PUDP: variants seen among roughly 807,000 people sequenced by gnomAD.
PUDP encodes pseudouridine 5'-phosphatase.
A neutral mutation model predicts 9.4 loss-of-function variants in PUDP; 8 were observed. The observed-to-expected ratio is 0.85, with a 90% CI of 0.50 to 1.53. The LOEUF (loss-of-function observed/expected upper bound fraction) is 1.53. Ranked by LOEUF, PUDP falls within the 40% of genes most tolerant of loss-of-function variation. The probability of loss-of-function intolerance (pLI) is 0.00; values close to 1 mark genes in which losing one functional copy is unlikely to be tolerated. For missense variants in PUDP, 188 were observed against 189.7 expected (o/e 0.99, Z 0.05); for synonymous variants, 99 against 80.7 (o/e 1.23, Z -1.22).
At chrX:6,783,929 A>C (rs1041359416) in intron 3 of PUDP, among the ~76,000 whole-genome samples, 1 of 111,647 alleles carries the variant, frequency 9.0e-6, no homozygotes, top group Non-Finnish European at 1.9e-5. Flanking sequence ...TGGGTGTCTC[A>C]GCTCAAGAAG....
At chrX:7,105,329 C>T (rs1931847664) in intron 2 of PUDP, among the ~76,000 whole-genome samples, 1 of 111,194 alleles carries the variant, frequency 9.0e-6, no homozygotes, top group South Asian at 3.8e-4. Context: ...GACATTCTGT[C>T]ATTAACATAA....
intron 3 of PUDP, among the ~76,000 whole-genome samples, chrX:7,073,775 C>A (rs772537169): frequency 1.0e-3 from 117 of 113,147 alleles, no homozygotes; most frequent in African/African-American, 3.3e-3. Context: ...GGAAACATTT[C>A]ATTTCTGCAA....
chrX:6,799,232 G>C (rs1002749995), intron 3 of PUDP, among the ~76,000 whole-genome samples: 3 of 112,273 alleles, frequency 2.7e-5, no homozygotes, highest in Admixed American at 1.9e-4. Context: ...TATGGCATTT[G>C]ATTCTAATTT....
chrX:6,872,696 TAAAA>T (rs199625491), intron 3 of PUDP, among the ~76,000 whole-genome samples: 27 of 63,823 alleles, frequency 4.2e-4, no homozygotes, highest in East Asian at 8.7e-4. Flanking sequence ...AAGATTCCAT[TAAAA>T]AAAAAAAAAA....
rs775058013 is a variant in PUDP, at chrX:6,981,541, C to T, written c.205-3198G>A. 2.7e-3 allele frequency among the ~76,000 whole-genome samples: 304 copies of T among 111,508 alleles called. 1 individual carries two copies. The highest frequency in any genetic ancestry group is 4.1e-3 in the Non-Finnish European group (218 of 53,095). ...ATCAGAGAGTCTCGCTTGAAAAATG[C>T]CTTCTGTTCCAAGAACTGGAAATAA... On this transcript the variant is annotated intron_variant and NMD_transcript_variant, in intron 1 of 3. Transcript: ENST00000655425.
chrX:7,027,571 GAT>G (rs1479125013), intron 1 of PUDP, among the ~76,000 whole-genome samples: 1 of 100,619 alleles, frequency 9.9e-6, no homozygotes, highest in East Asian at 3.1e-4. Context: ...ATATATATGA[GAT>G]ATATAGAGAG....
intron 3 of PUDP, among the ~76,000 whole-genome samples, chrX:6,971,090 G>C (rs1416176807): frequency 1.8e-5 from 2 of 111,150 alleles, no homozygotes; most frequent in East Asian, 2.8e-4. Context: ...ACAGATGTCA[G>C]AATAGCTTCA....
upstream of PUDP, among the ~76,000 whole-genome samples, chrX:6,725,659 A>G (rs1453246762): frequency 8.9e-6 from 1 of 112,364 alleles, no homozygotes; most frequent in African/African-American, 3.2e-5. Flanking sequence ...AGCACATGAA[A>G]AAATGCTCAG....
At chrX:6,722,367 C>T (rs1408246256), upstream of PUDP, among the ~76,000 whole-genome samples, 2 of 109,504 alleles carry the variant, frequency 1.8e-5, no homozygotes, top group Non-Finnish European at 3.8e-5. Flanking sequence ...ATCACTTGAA[C>T]CCGGGAGGCA....
chrX:6,816,658 A>G (rs1053157198), intron 3 of PUDP, among the ~76,000 whole-genome samples: 54 of 100,543 alleles, frequency 5.4e-4, no homozygotes, highest in African/African-American at 1.9e-3. Flanking sequence ...CTATATTTGT[A>G]TAGTTTATAT....
At chrX:6,970,551 C>A (rs891653114) in intron 3 of PUDP, among the ~76,000 whole-genome samples, 2 of 111,071 alleles carry the variant, frequency 1.8e-5, no homozygotes, top group African/African-American at 6.6e-5. Context: ...AGCATTGAGC[C>A]CCTTTGCATT....
At chrX:6,999,992 A>AT (rs1929303258) in intron 1 of PUDP, among the ~76,000 whole-genome samples, 1 of 110,589 alleles carries the variant, frequency 9.0e-6, no homozygotes, top group Admixed American at 9.7e-5. Flanking sequence ...GAATCAAGAC[A>AT]TTGTGTATCC....
In PUDP at chrX:7,122,714, G is replaced by A. The variant is rs6638657; in HGVS notation, c.62-16876C>T. ...TTATAAAGACTGTGTGGATACAGCT[G>A]GCTCAAATTCAGATTCTCATCACCC... On this transcript the variant is annotated intron_variant, in intron 1 of 3. Transcript: ENST00000381077. 5.1e-4 allele frequency among the ~76,000 whole-genome samples: 57 copies of A among 111,771 alleles called. No individual in the cohort carries two copies. The East Asian group carries it at 0.013, about 26-fold the overall frequency.
At chrX:6,892,366 G>GA (rs1927528839) in intron 3 of PUDP, among the ~76,000 whole-genome samples, 1 of 111,065 alleles carries the variant, frequency 9.0e-6, no homozygotes, top group South Asian at 3.9e-4. Context: ...AATTTATAAA[G>GA]AAAAAAGAGG....
intron 3 of PUDP, among the ~76,000 whole-genome samples, chrX:6,949,009 A>G (rs1339899815): frequency 8.9e-6 from 1 of 112,327 alleles, no homozygotes; most frequent in African/African-American, 3.2e-5. Context: ...ATCCTTTGCC[A>G]TTGCACAGAA....
chrX:6,747,220 G>T (rs1366269253), intron 3 of PUDP, among the ~76,000 whole-genome samples: 2 of 112,062 alleles, frequency 1.8e-5, no homozygotes, highest in Non-Finnish European at 3.8e-5. Context: ...AAGATATTAT[G>T]TTTCCCCTCT....
Position 6,866,511 on chromosome X carries a change from T to C in PUDP, c.*247+110622A>G, listed in dbSNP as rs769762767. ...GGCTGTCTCAGGGAACTGGGGAAGC[T>C]GCGCCCTGTAACAAGTGAGCGCATG... On this transcript the variant is annotated intron_variant and NMD_transcript_variant, in intron 3 of 3. Transcript: ENST00000655425. Among the ~76,000 whole-genome samples the C allele has an allele frequency of 1.5e-3, 166 of 111,406 alleles. 1 individual carries two copies. The highest frequency in any genetic ancestry group is 1.7e-3 in the Non-Finnish European group (92 of 53,027).
intron 3 of PUDP, among the ~76,000 whole-genome samples, chrX:6,967,213 C>T (rs5935065): frequency 0.31 from 34,460 of 110,546 alleles, 4,614 homozygotes; most frequent in Non-Finnish European, 0.41. Context: ...TGCAGACCCA[C>T]GCGGTTCCTC....
intron 1 of PUDP, among the ~76,000 whole-genome samples, chrX:7,131,851 C>T (rs1932627772): frequency 9.3e-6 from 1 of 107,398 alleles, no homozygotes; most frequent in Non-Finnish European, 1.9e-5. Context: ...GGCCTTTTTA[C>T]CTGTGCTCCG....
Sources: gnomAD v4.1 joint callset for allele counts (sites outside exome capture counted in the v4.1 genomes callset) on GRCh38, gnomAD v4.1.1 for gene constraint, MANE v1.5 for transcripts, NCBI Gene and HGNC (gene_info 2026-07-23, HGNC 2026-07-21) for gene names.